Variants in PDZK1IP1 observed in about 807,000 individuals in gnomAD.
PDZK1IP1 encodes the protein PDZK1 interacting protein 1, also known as PDZK1-interacting protein 1.
PDZK1IP1 carries 9 observed loss-of-function variants against 14.7 expected under a neutral mutation model. The ratio of observed to expected loss-of-function variants is 0.61; its 90% CI spans 0.37 to 1.07. The LOEUF (loss-of-function observed/expected upper bound fraction) is 1.07, where lower values mean the gene tolerates loss of function less well. Among genes scored for constraint, PDZK1IP1 ranks in the 50% least tolerant of loss-of-function variants. The pLI, the probability that PDZK1IP1 is intolerant of heterozygous loss-of-function variation, is 0.01. For synonymous variants in PDZK1IP1, 70 were observed against 61.2 expected (o/e 1.14, Z -0.67); for missense variants, 152 against 148.7 (o/e 1.02, Z -0.11).
Position 47,189,903 on chromosome 1 carries a change from G to A in PDZK1IP1, c.30C>T (p.Gly10=), listed in dbSNP as rs377640107. ...TGGCAGGTGGCACTGCCGTGAGCAG[G>A]CCCAGAATGAGGAGGCTGAGGGCCG... The part of the protein sequence containing the change: MSALSLLIL[G]LLTAVPPASC... The change falls in exon 1 of 4, where the codon GGC becomes GGT. Residue 10 remains glycine, a synonymous_variant. Coordinates refer to ENST00000294338, the MANE Select transcript of PDZK1IP1 (RefSeq NM_005764.4). The A allele has an allele frequency of 1.3e-6, 2 of 1,596,916 alleles. No homozygotes were observed. The highest frequency in any genetic ancestry group is 1.7e-6 in the Non-Finnish European group (2 of 1,178,730).
Position 47,183,834 on chromosome 1 carries a change from G to T in PDZK1IP1, c.*137C>A. 1.4e-6 allele frequency: 1 copy of T among 737,808 alleles called. No individual in the cohort carries two copies. The highest frequency in any genetic ancestry group is 2.3e-6 in the Non-Finnish European group (1 of 430,372). 45.7% of individuals were successfully genotyped at this position (737,808 alleles called of 1,614,324 possible). ...CCTTGGCTGGCTATACTTCAAGGGCGGGTAGGGCCGGCATGGGGCTGGAGG... is the reference window on the plus strand; with the variant it reads ...CCTTGGCTGGCTATACTTCAAGGGCTGGTAGGGCCGGCATGGGGCTGGAGG... On this transcript the variant is annotated 3_prime_UTR_variant, in exon 4 of 4. Transcript: ENST00000294338.
intron 1 of PDZK1IP1, 143 bp downstream of exon 1, chr1:47,189,723 T>A (rs1645341123): frequency 5.4e-6 from 3 of 557,288 alleles, no homozygotes; most frequent in Non-Finnish European, 9.2e-6. Context: ...GGTTCAGAGG[T>A]CTCTGCCTTG....
chr1:47,189,776 C>G (rs1010724632), intron 1 of PDZK1IP1, 90 bp downstream of exon 1: 3 of 950,058 alleles, frequency 3.2e-6, no homozygotes, highest in African/African-American at 3.4e-5. Context: ...CCCCTCCAAA[C>G]TGTAAGTATC....
intron 1 of PDZK1IP1, among the ~76,000 whole-genome samples, chr1:47,187,748 C>T (rs1290759613): frequency 6.6e-6 from 1 of 152,200 alleles, no homozygotes; most frequent in Admixed American, 6.5e-5. Context: ...GCCTCTTTCC[C>T]TCCCGCAGGT....
rs780551627 is a variant in PDZK1IP1, at chr1:47,187,368, G to A, written c.127C>T (p.Leu43Phe). The change falls in exon 2 of 4, where the codon CTC becomes TTC. Residue 43 changes from leucine (L) to phenylalanine (F), a missense_variant. Coordinates refer to ENST00000294338, the MANE Select transcript of PDZK1IP1 (RefSeq NM_005764.4). ...TTGACTGCAAAGGCGATTGCAACGA[G>A]GACCAGGAACACGGCCACCGCGATA... ...GLIAVAVFLV[L>F]VAIAFAVNHF... is the part of the protein sequence containing the mutation. 3 of 1,612,844 alleles carry A rather than the reference G, an allele frequency of 1.9e-6. No homozygotes were observed. Among genetic ancestry groups the A allele is most frequent in the South Asian group, 1.1e-5 (1 of 91,078 alleles).
At chr1:47,184,885 AG>A (rs1329374301) in intron 3 of PDZK1IP1, 116 bp downstream of exon 3, 5 of 770,722 alleles carry the variant, frequency 6.5e-6, no homozygotes, top group Non-Finnish European at 1.1e-5. Context: ...TTGCCTCACT[AG>A]CTTTTGCCCA....
At chr1:47,187,558 A>T (rs1645328242) in intron 1 of PDZK1IP1, 131 bp from the exon 2 acceptor site, 1 of 699,424 alleles carries the variant, frequency 1.4e-6, no homozygotes, top group African/African-American at 1.8e-5. Context: ...GAGCAAGGAG[A>T]CATTGTGGGG....
intron 1 of PDZK1IP1, 50 bp from the exon 2 acceptor site, chr1:47,187,477 T>C (rs1171544770): frequency 6.9e-7 from 1 of 1,456,178 alleles, no homozygotes; most frequent in Non-Finnish European, 9.6e-7. Context: ...TGGGGCTGCA[T>C]GTGCAGGAGA....
chr1:47,188,717 T>C (rs1645334946), intron 1 of PDZK1IP1, among the ~76,000 whole-genome samples: 1 of 152,214 alleles, frequency 6.6e-6, no homozygotes, highest in Non-Finnish European at 1.5e-5. Flanking sequence ...CTAGGAACTC[T>C]CTGGCCTGTA....
intron 1 of PDZK1IP1, among the ~76,000 whole-genome samples, chr1:47,189,488 T>C (rs1398417767): frequency 6.6e-6 from 1 of 152,194 alleles, no homozygotes; most frequent in African/African-American, 2.4e-5. Context: ...CACTGTTCTC[T>C]ATCCAAGCCC....
chr1:47,186,341 C>T (rs1320235381), intron 2 of PDZK1IP1, among the ~76,000 whole-genome samples: 2 of 151,810 alleles, frequency 1.3e-5, no homozygotes, highest in African/African-American at 4.8e-5. Context: ...AAACTTGTCA[C>T]TGGATTCCTG....
chr1:47,189,065 C>G (rs1042463059), intron 1 of PDZK1IP1, among the ~76,000 whole-genome samples: 2 of 150,848 alleles, frequency 1.3e-5, no homozygotes, highest in Non-Finnish European at 3.0e-5. Context: ...CTCTGTGACT[C>G]AACCTCTCTG....
chr1:47,186,315 A>G (rs1426228458), intron 2 of PDZK1IP1, among the ~76,000 whole-genome samples: 1 of 139,844 alleles, frequency 7.2e-6, no homozygotes, highest in African/African-American at 2.9e-5. Context: ...TCTCCAAAAA[A>G]AAAGAAAAAA....
At chr1:47,184,556 C>T (rs1322612607) in intron 3 of PDZK1IP1, among the ~76,000 whole-genome samples, 72 of 123,086 alleles carry the variant, frequency 5.8e-4, no homozygotes, top group Non-Finnish European at 8.8e-4. Context: ...GCTCCATCCC[C>T]CACTGAGTCC....
At chr1:47,186,835 C>T (rs1463868728) in intron 2 of PDZK1IP1, among the ~76,000 whole-genome samples, 1 of 152,232 alleles carries the variant, frequency 6.6e-6, no homozygotes, top group African/African-American at 2.4e-5. Context: ...CTGCAGTGTC[C>T]TCTGCGCTCT....
At position 47,187,324 on chromosome 1, in the gene PDZK1IP1, C is replaced by T; in HGVS notation, c.171G>A (p.Glu57=). Residue 57 remains glutamate, a synonymous_variant, in exon 2 of 4, where the codon GAG becomes GAA. Transcript: ENST00000294338. The part of the protein sequence containing the change: ...AFAVNHFWCQ[E]EPEPAHMILT... The stretch of plus-strand genomic sequence containing the variant: ...GACCCTTGGGCAGCACTCACGGCTC[C>T]TCCTGGCACCAGAAGTGGTTGACTG... 6.2e-7 allele frequency: 1 copy of T among 1,612,030 alleles called. No homozygotes were observed. Among genetic ancestry groups the T allele is most frequent in the Non-Finnish European group, 8.5e-7 (1 of 1,179,250 alleles).
intron 3 of PDZK1IP1, among the ~76,000 whole-genome samples, chr1:47,184,295 C>G (rs3001109): frequency 6.9e-6 from 1 of 145,472 alleles, no homozygotes; most frequent in African/African-American, 2.5e-5. Flanking sequence ...CATCCCCCAC[C>G]GAGCCCATCC....
At chr1:47,188,706 G>A (rs1459242861) in intron 1 of PDZK1IP1, among the ~76,000 whole-genome samples, 2 of 152,198 alleles carry the variant, frequency 1.3e-5, no homozygotes, top group African/African-American at 2.4e-5. Context: ...GAGGAAGGAG[G>A]CTAGGAACTC....
chr1:47,187,315 T>G lies in PDZK1IP1; in HGVS notation c.176+4A>C, dbSNP rs548754046. The stretch of plus-strand genomic sequence containing the variant: ...CTGCTCAGGGACCCTTGGGCAGCAC[T>G]CACGGCTCCTCCTGGCACCAGAAGT... On this transcript the variant is annotated splice_donor_region_variant and intron_variant, in intron 2 of 3. Transcript: ENST00000294338. The G allele has an allele frequency of 1.1e-5, 17 of 1,609,778 alleles. No individual in the cohort carries two copies. The African/African-American group carries it at 2.1e-4, about 20-fold the overall frequency.
Sources: gnomAD v4.1 joint callset for allele counts (sites outside exome capture counted in the v4.1 genomes callset) on GRCh38, gnomAD v4.1.1 for gene constraint, MANE v1.5 for transcripts, NCBI Gene and HGNC (gene_info 2026-07-23, HGNC 2026-07-21) for gene names.